Variants in MFN1 observed in about 807,000 individuals in gnomAD.
MFN1 encodes mitofusin-1.
Under a neutral mutation model 92.4 loss-of-function variants are expected in MFN1, and 65 were observed. The observed-to-expected ratio is 0.70, with a 90% CI of 0.58 to 0.86. MFN1 has a LOEUF of 0.86. Ranked by LOEUF, MFN1 falls within the 40% of genes least tolerant of loss-of-function variation. The pLI is 0.00. For missense variants in MFN1, 781 were observed against 868.0 expected, an observed-to-expected ratio of 0.90 and a Z score of 1.26; for synonymous variants, 297 against 300.9, an observed-to-expected ratio of 0.99 and a Z score of 0.13.
chr3:179,386,738 A>G (rs1385834094), intron 16 of MFN1, 109 bp downstream of exon 16: 1 of 1,056,584 alleles, frequency 9.5e-7, no homozygotes, highest in South Asian at 1.6e-5. Flanking sequence ...CACAAAATGA[A>G]CATGTTTCGT....
intron 12 of MFN1, among the ~76,000 whole-genome samples, chr3:179,378,014 C>G (rs1328902530): frequency 6.6e-6 from 1 of 152,010 alleles, no homozygotes; most frequent in African/African-American, 2.4e-5. Flanking sequence ...GAGCCAAGAT[C>G]ACACCACTGC....
At chr3:179,378,920 G>C (rs1232782902) in intron 14 of MFN1, 106 bp downstream of exon 14, 2 of 840,582 alleles carry the variant, frequency 2.4e-6, no homozygotes, top group African/African-American at 3.5e-5. Context: ...TTAAAAGCTA[G>C]TATCTATCTC....
At chr3:179,389,748 A>C (rs1713829320) in intron 16 of MFN1, among the ~76,000 whole-genome samples, 1 of 152,102 alleles carries the variant, frequency 6.6e-6, no homozygotes, top group South Asian at 2.1e-4. Flanking sequence ...GTGCTTCTGA[A>C]GAAACACACC....
Position 179,386,589 on chromosome 3 carries a change from G to T in MFN1, c.1972G>T (p.Val658Phe). The T allele has an allele frequency of 1.2e-6, 2 of 1,613,868 alleles. No individual in the cohort carries two copies. The highest frequency in any genetic ancestry group is 1.7e-6 in the Non-Finnish European group (2 of 1,179,938). The part of the protein sequence containing the change: ...NYATEKLRMI[V>F]SSTSANCSHQ... Reference sequence around the variant, plus strand: ...TGCAACTGAAAAACTGAGGATGATTGTTAGCTCCACGAGTGCAAACTGCAG... The same window carrying T: ...TGCAACTGAAAAACTGAGGATGATTTTTAGCTCCACGAGTGCAAACTGCAG... The change falls in exon 16 of 18, where the codon GTT becomes TTT. Residue 658 changes from valine (V) to phenylalanine (F), a missense_variant. Transcript: ENST00000471841.
At chr3:179,372,784 C>T (rs562786313) in intron 9 of MFN1, among the ~76,000 whole-genome samples, 5 of 152,150 alleles carry the variant, frequency 3.3e-5, no homozygotes, top group South Asian at 2.1e-4. Flanking sequence ...TCTGCTTCAT[C>T]GAGGAATATA....
At chr3:179,371,654 C>G (rs1226987292) in intron 9 of MFN1, among the ~76,000 whole-genome samples, 4 of 152,172 alleles carry the variant, frequency 2.6e-5, no homozygotes, top group Non-Finnish European at 5.9e-5. Context: ...ATCTTTTGCA[C>G]AGTTATTTCA....
intron 2 of MFN1, among the ~76,000 whole-genome samples, chr3:179,349,767 A>G (rs1192667524): frequency 6.6e-6 from 1 of 151,180 alleles, no homozygotes; most frequent in Non-Finnish European, 1.5e-5. Context: ...TTGGCCTCCC[A>G]AAGTGCTGGG....
chr3:179,362,465 C>A lies in MFN1; in HGVS notation c.519C>A (p.Asp173Glu). ...CAAAATGTGCCCTCTTGAGAGATGA[C>A]CTGGTGTTAGTAGACAGGTAAAATT... ...PKAKCALLRD[D>E]LVLVDSPGTD... The change falls in exon 5 of 18, where the codon GAC becomes GAA. Residue 173 changes from aspartate (D) to glutamate (E), a missense_variant. Transcript: ENST00000471841. The A allele has an allele frequency of 1.2e-6, 2 of 1,613,370 alleles. No individual in the cohort carries two copies. Among genetic ancestry groups the A allele is most frequent in the Non-Finnish European group, 1.7e-6 (2 of 1,179,736 alleles).
intron 9 of MFN1, among the ~76,000 whole-genome samples, chr3:179,373,705 G>T (rs964754611): frequency 2.0e-5 from 3 of 151,594 alleles, no homozygotes; most frequent in African/African-American, 4.8e-5. Context: ...ACAGAGTCTC[G>T]CTCTGTCGCC....
At position 179,378,364 on chromosome 3, in the gene MFN1, T is replaced by A; in HGVS notation, c.1353T>A (p.Asp451Glu). ...AGGAATTAAATAAGCACATAGAGGA[T>A]GGTATGGGAAGAAATTTGGCTGATC... Reference protein sequence around the residue: ...YKSELNKHIEDGMGRNLADRC... With the variant: ...YKSELNKHIEEGMGRNLADRC... Residue 451 changes from aspartate to glutamate, a missense_variant, in exon 13 of 18, where the codon GAT becomes GAA. Asp to Glu is a conservative substitution (Grantham distance 45). Transcript: ENST00000471841. The A allele has an allele frequency of 6.2e-7, 1 of 1,603,062 alleles. No individual in the cohort carries two copies. The highest frequency in any genetic ancestry group is 8.5e-7 in the Non-Finnish European group (1 of 1,176,922).
At chr3:179,379,011 T>C (rs902602832) in intron 14 of MFN1, among the ~76,000 whole-genome samples, 197 bp downstream of exon 14, 2 of 152,202 alleles carry the variant, frequency 1.3e-5, no homozygotes, top group Non-Finnish European at 2.9e-5. Flanking sequence ...GAAAAACTTT[T>C]TGAGTACGGT....
At chr3:179,354,752 C>A (rs754558381) in intron 3 of MFN1, among the ~76,000 whole-genome samples, 4 of 152,104 alleles carry the variant, frequency 2.6e-5, no homozygotes, top group Admixed American at 2.6e-4. Flanking sequence ...TTCCAGGTAA[C>A]GGGTAGGCAA....
intron 9 of MFN1, among the ~76,000 whole-genome samples, chr3:179,371,141 A>G (rs1342250854): frequency 6.6e-6 from 1 of 152,232 alleles, no homozygotes; most frequent in Non-Finnish European, 1.5e-5. Context: ...AAATGGATCT[A>G]AGTATTTTAA....
At chr3:179,364,810 G>T (rs1296317640) in intron 6 of MFN1, among the ~76,000 whole-genome samples, 1 of 152,142 alleles carries the variant, frequency 6.6e-6, no homozygotes, top group Admixed American at 6.5e-5. Flanking sequence ...CCAGGTTTCA[G>T]CTTAACTGTG....
At chr3:179,383,669 G>T (rs899696788) in intron 14 of MFN1, among the ~76,000 whole-genome samples, 13 of 152,046 alleles carry the variant, frequency 8.6e-5, no homozygotes, top group African/African-American at 3.1e-4. Flanking sequence ...GGGCAGTATG[G>T]CCATTTTCAT....
At chr3:179,359,442 A>C in intron 4 of MFN1, among the ~76,000 whole-genome samples, 1 of 119,762 alleles carries the variant, frequency 8.3e-6, no homozygotes, top group Admixed American at 9.0e-5. Flanking sequence ...TTTTTTTGAC[A>C]CTGAGTCTCA....
intron 3 of MFN1, among the ~76,000 whole-genome samples, chr3:179,356,749 A>G (rs115739437): frequency 0.012 from 1,863 of 152,170 alleles, 35 homozygotes; most frequent in African/African-American, 0.043. Flanking sequence ...TTCACAGTTC[A>G]CTTGAGGAAT....
intron 16 of MFN1, among the ~76,000 whole-genome samples, chr3:179,389,634 C>T (rs1479454330): frequency 6.6e-6 from 1 of 152,022 alleles, no homozygotes; most frequent in Non-Finnish European, 1.5e-5. Context: ...TTAAATTTTG[C>T]TATAAAGTAT....
chr3:179,368,001 T>A lies in MFN1; in HGVS notation c.908-35T>A, dbSNP rs759366131. On this transcript the variant is annotated intron_variant, in intron 8 of 17. Coordinates refer to ENST00000471841, the MANE Select transcript of MFN1 (RefSeq NM_033540.3). ...CTACCAGAAAACATATCTTGCTACA[T>A]ACTAGGTTTTTAAATCTTTGCCTGT... is the stretch of plus-strand genomic sequence containing the variant. The A allele has an allele frequency of 4.9e-6, 7 of 1,421,160 alleles. No homozygotes were observed. The South Asian group carries it at 1.2e-4, about 24-fold the overall frequency. 88.0% of individuals were successfully genotyped at this position (1,421,160 alleles called of 1,614,324 possible).
Sources: allele counts gnomAD v4.1 joint callset (sites outside exome capture counted in the v4.1 genomes callset), GRCh38; gene constraint gnomAD v4.1.1; transcripts MANE v1.5; gene names NCBI Gene and HGNC (gene_info 2026-07-23, HGNC 2026-07-21).